TAF1: variants seen among roughly 807,000 people sequenced by gnomAD.
TAF1 encodes TATA-box binding protein associated factor 1, also known as transcription initiation factor TFIID subunit 1.
In TAF1, 2 loss-of-function variants were observed where a neutral mutation model predicts 138.5. The ratio of observed to expected loss-of-function variants is 0.01; its 90% CI spans 0.01 to 0.05. The LOEUF (loss-of-function observed/expected upper bound fraction) is 0.05, where lower values mean the gene tolerates loss of function less well. Among genes scored for constraint, TAF1 ranks in the 10% least tolerant of loss-of-function variants. The probability of loss-of-function intolerance (pLI) is 1.00; values close to 1 mark genes in which losing one functional copy is unlikely to be tolerated. For synonymous variants in TAF1, 437 were observed against 503.2 expected, an observed-to-expected ratio of 0.87 and a Z score of 1.76; for missense variants, 709 against 1,478.0, an observed-to-expected ratio of 0.48 and a Z score of 8.53.
chrX:71,460,325 T>G (rs1185984582), intron 36 of TAF1, among the ~76,000 whole-genome samples: 3 of 112,478 alleles, frequency 2.7e-5, no homozygotes, highest in Non-Finnish European at 5.6e-5. Flanking sequence ...AAATCCTGTT[T>G]GGGGATATTT....
intron 32 of TAF1, among the ~76,000 whole-genome samples, chrX:71,446,859 G>A (rs1467536258): frequency 8.9e-6 from 1 of 111,734 alleles, no homozygotes; most frequent in Non-Finnish European, 1.9e-5. Context: ...TTAAGAGACT[G>A]AACCTCTTAA....
intron 14 of TAF1, among the ~76,000 whole-genome samples, chrX:71,385,681 G>A (rs1453935064): frequency 2.7e-5 from 3 of 111,254 alleles, no homozygotes; most frequent in African/African-American, 9.8e-5. Context: ...TACTGTTGTT[G>A]TTGTTTATTC....
At chrX:71,411,697 C>T (rs1050662960) in intron 28 of TAF1, among the ~76,000 whole-genome samples, 15 of 112,242 alleles carry the variant, frequency 1.3e-4, no homozygotes, top group Admixed American at 4.7e-4. Flanking sequence ...TATTTAAACA[C>T]CTTTATTGAA....
chrX:71,482,317 G>A (rs993523826), intron 13 of TAF1, among the ~76,000 whole-genome samples: 4 of 112,335 alleles, frequency 3.6e-5, no homozygotes, highest in African/African-American at 1.3e-4. Flanking sequence ...TTTAGACAAA[G>A]CATGATTCAT....
At chrX:71,514,929 C>T (rs1039554308) in intron 13 of TAF1, among the ~76,000 whole-genome samples, 1 of 111,462 alleles carries the variant, frequency 9.0e-6, no homozygotes, top group Non-Finnish European at 1.9e-5. Flanking sequence ...GTATCAGTGA[C>T]GCTAAGTGTG....
chrX:71,523,420 T>C (rs1490401286), intron 13 of TAF1, among the ~76,000 whole-genome samples: 1 of 111,537 alleles, frequency 9.0e-6, no homozygotes, highest in Non-Finnish European at 1.9e-5. Context: ...GCAGAAAATA[T>C]TGCAATACTC....
At chrX:71,480,451 C>T (rs1458711920) in intron 13 of TAF1, among the ~76,000 whole-genome samples, 1 of 111,552 alleles carries the variant, frequency 9.0e-6, no homozygotes, top group East Asian at 2.8e-4. Context: ...TATTGAATTC[C>T]CACTATGTAC....
chrX:71,456,707 C>CTTTTT (rs2038318054), intron 34 of TAF1, among the ~76,000 whole-genome samples: 9 of 53,683 alleles, frequency 1.7e-4, no homozygotes, highest in African/African-American at 3.9e-4. Flanking sequence ...CCGAGTTTTG[C>CTTTTT]TCTTGTCACC....
At chrX:71,456,510 C>T (rs973572649) in intron 34 of TAF1, among the ~76,000 whole-genome samples, 2 of 110,921 alleles carry the variant, frequency 1.8e-5, no homozygotes, top group African/African-American at 3.3e-5. Context: ...ACTTTACTTA[C>T]ATTACTACTG....
At chrX:71,478,781 A>C (rs958522772) in intron 13 of TAF1, among the ~76,000 whole-genome samples, 1 of 112,539 alleles carries the variant, frequency 8.9e-6, no homozygotes, top group African/African-American at 3.2e-5. Context: ...TGACCAAAAA[A>C]CATAAAGCAG....
intron 8 of TAF1, among the ~76,000 whole-genome samples, chrX:71,380,790 A>G (rs929466863): frequency 8.9e-6 from 1 of 111,772 alleles, no homozygotes; most frequent in Non-Finnish European, 1.9e-5. Context: ...TCCCAGGTTG[A>G]AGTGATTCTT....
At chrX:71,438,956 G>A (rs923617500) in intron 32 of TAF1, among the ~76,000 whole-genome samples, 1 of 111,365 alleles carries the variant, frequency 9.0e-6, no homozygotes, top group African/African-American at 3.3e-5. Flanking sequence ...GGGTGACAGA[G>A]CAAGACTCCA....
At chrX:71,370,370 A>G in intron 3 of TAF1, among the ~76,000 whole-genome samples, 1 of 110,832 alleles carries the variant, frequency 9.0e-6, no homozygotes, top group Non-Finnish European at 1.9e-5. Flanking sequence ...CCCACCTGAC[A>G]GAGTCTCTCT....
intron 18 of TAF1, among the ~76,000 whole-genome samples, chrX:71,392,161 C>T (rs1156431907): frequency 8.9e-6 from 1 of 111,978 alleles, no homozygotes; most frequent in African/African-American, 3.2e-5. Flanking sequence ...CATTCTAAAA[C>T]AGCTGTTTGA....
chrX:71,503,350 A>ATATATATATGTGTGTG (rs1569408607), intron 13 of TAF1, among the ~76,000 whole-genome samples: 3 of 100,704 alleles, frequency 3.0e-5, no homozygotes, highest in African/African-American at 1.1e-4. Flanking sequence ...ATATGTGTAT[A>ATATATATATGTGTGTG]TATATATATA....
At chrX:71,377,572 CTG>C in intron 5 of TAF1, 29 bp from the exon 6 acceptor site, 2 of 1,192,762 alleles carry the variant, frequency 1.7e-6, no homozygotes, top group Non-Finnish European at 2.3e-6. Context: ...GACTTTGAGT[CTG>C]TGTCATAGTA....
intron 28 of TAF1, among the ~76,000 whole-genome samples, chrX:71,408,536 C>CT (rs1407090403): frequency 1.8e-5 from 2 of 111,175 alleles, no homozygotes; most frequent in Non-Finnish European, 3.8e-5. Flanking sequence ...AGGCTTGTCT[C>CT]TAACTCCTGA....
chrX:71,525,598 G>T (rs1429776980), intron 13 of TAF1, among the ~76,000 whole-genome samples: 2 of 111,101 alleles, frequency 1.8e-5, no homozygotes, highest in African/African-American at 6.5e-5. Context: ...AGAATAAAAA[G>T]ATTAATGGTT....
At chrX:71,516,878 C>T (rs2147622996) in intron 13 of TAF1, among the ~76,000 whole-genome samples, 1 of 109,405 alleles carries the variant, frequency 9.1e-6, no homozygotes, top group South Asian at 3.9e-4. Context: ...CTCATTTTTT[C>T]TTAATTTCTT....
Sources: allele counts gnomAD v4.1 joint callset (sites outside exome capture counted in the v4.1 genomes callset), GRCh38; gene constraint gnomAD v4.1.1; transcripts MANE v1.5; gene names NCBI Gene and HGNC (gene_info 2026-07-23, HGNC 2026-07-21).